Variants in PCSK9 observed in about 807,000 individuals in gnomAD.
PCSK9 encodes proprotein convertase subtilisin/kexin type 9.
In PCSK9, 57 loss-of-function variants were observed where a neutral mutation model predicts 62.1. That is an observed-to-expected ratio of 0.92 (90% confidence interval 0.74 to 1.14). The LOEUF (loss-of-function observed/expected upper bound fraction) is 1.14. Ranked by LOEUF, PCSK9 falls within the 50% of genes most tolerant of loss-of-function variation. The pLI, the probability that PCSK9 is intolerant of heterozygous loss-of-function variation, is 0.00. For synonymous variants in PCSK9, 387 were observed against 409.4 expected (o/e 0.95, Z 0.66); for missense variants, 870 against 959.8 (o/e 0.91, Z 1.24).
chr1:55,062,175 T>G (rs1644765107), intron 11 of PCSK9, among the ~76,000 whole-genome samples: 1 of 152,268 alleles, frequency 6.6e-6, no homozygotes, highest in Admixed American at 6.5e-5. Context: ...TGCCAAGCCC[T>G]GGAATGTGAC....
At chr1:55,058,780 G>A (rs1460064134) in intron 9 of PCSK9, 133 bp downstream of exon 9, 2 of 1,511,864 alleles carry the variant, frequency 1.3e-6, no homozygotes, top group Admixed American at 2.0e-5. Flanking sequence ...CAGCTCTTCT[G>A]TAAGCTTACA....
At chr1:55,043,321 C>A (rs1035096549) in intron 1 of PCSK9, among the ~76,000 whole-genome samples, 2 of 152,194 alleles carry the variant, frequency 1.3e-5, no homozygotes, top group African/African-American at 4.8e-5. Context: ...ACTTTCCCAG[C>A]AGGCCTATGT....
In PCSK9 at chr1:55,052,295, G is replaced by A. The variant is rs1394782989; in HGVS notation, c.541G>A (p.Glu181Lys). The A allele has an allele frequency of 1.2e-6, 2 of 1,614,032 alleles. No homozygotes were observed. Among genetic ancestry groups the A allele is most frequent in the Non-Finnish European group, 1.7e-6 (2 of 1,180,034 alleles). The change falls in exon 4 of 12, where the codon GAG (glutamate) becomes AAG (lysine). Residue 181 changes from glutamate (E) to lysine (K), a missense_variant. Transcript: ENST00000302118. ...TTGGAAAGACGGAGGCAGCCTGGTG[G>A]AGGTGTATCTCCTAGACACCAGCAT... The part of the protein sequence containing the change: ...YQPPDGGSLV[E>K]VYLLDTSIQS...
In PCSK9 at chr1:55,052,678, A is replaced by G. The variant is rs1004968088; in HGVS notation, c.686A>G (p.His229Arg). The change falls in exon 5 of 12, where the codon CAC becomes CGC. Residue 229 changes from histidine to arginine, a missense_variant. By Grantham distance (29) the His-to-Arg change is conservative (BLOSUM62 0). Coordinates refer to ENST00000302118, the MANE Select transcript of PCSK9 (RefSeq NM_174936.4). Reference sequence around the variant, plus strand: ...AGCAAGTGTGACAGTCATGGCACCCACCTGGCAGGGGTGGTCAGCGGCCGG... The same window carrying G: ...AGCAAGTGTGACAGTCATGGCACCCGCCTGGCAGGGGTGGTCAGCGGCCGG... ...QASKCDSHGTHLAGVVSGRDA... is the reference protein window; with the variant it reads ...QASKCDSHGTRLAGVVSGRDA... 4 of 1,613,176 alleles carry G rather than the reference A, an allele frequency of 2.5e-6. No individual in the cohort carries two copies. Among genetic ancestry groups the G allele is most frequent in the Non-Finnish European group, 3.4e-6 (4 of 1,179,872 alleles).
chr1:55,055,768 GCCTGCCCAAGTTATAGAGAGTAA>G (rs1312771136), intron 5 of PCSK9, among the ~76,000 whole-genome samples: 1 of 152,142 alleles, frequency 6.6e-6, no homozygotes, highest in Non-Finnish European at 1.5e-5. Context: ...ATTAAATGAG[GCCTGCCCAAGTTATAGAGAGTAA>G]CCTGCCTTAC....
At chr1:55,049,681 G>C (rs1405258873) in intron 3 of PCSK9, among the ~76,000 whole-genome samples, 1 of 152,198 alleles carries the variant, frequency 6.6e-6, no homozygotes, top group Admixed American at 6.5e-5. Context: ...GTTCCTGTGG[G>C]GGCTTTTACC....
At chr1:55,059,038 A>G (rs1364202722) in intron 9 of PCSK9, among the ~76,000 whole-genome samples, 1 of 152,232 alleles carries the variant, frequency 6.6e-6, no homozygotes, top group African/African-American at 2.4e-5. Flanking sequence ...ATCTCAAACC[A>G]GCAAAAAAGT....
intron 10 of PCSK9, 62 bp from the exon 11 acceptor site, chr1:55,061,313 A>G (rs1644756847): frequency 2.0e-6 from 3 of 1,523,868 alleles, no homozygotes; most frequent in Non-Finnish European, 2.7e-6. Flanking sequence ...TCTGATGGGG[A>G]TGGGCACTGG....
intron 2 of PCSK9, among the ~76,000 whole-genome samples, chr1:55,045,852 G>A (rs1644630394): frequency 1.3e-5 from 2 of 152,100 alleles, no homozygotes; most frequent in African/African-American, 4.8e-5. Flanking sequence ...TGGGACTACA[G>A]GTGTGTGCCA....
chr1:55,045,608 G>A (rs1171594243), intron 2 of PCSK9, among the ~76,000 whole-genome samples: 3 of 152,140 alleles, frequency 2.0e-5, no homozygotes, highest in Non-Finnish European at 4.4e-5. Flanking sequence ...TGGCATGGAG[G>A]AGAGGCTGCC....
At chr1:55,049,624 C>G (rs764106969) in intron 3 of PCSK9, among the ~76,000 whole-genome samples, 1 of 152,202 alleles carries the variant, frequency 6.6e-6, no homozygotes, top group Non-Finnish European at 1.5e-5. Context: ...GTGTCTCATC[C>G]GAGCTGGGCC....
intron 3 of PCSK9, among the ~76,000 whole-genome samples, chr1:55,048,969 G>T (rs1336013576): frequency 1.3e-5 from 2 of 152,196 alleles, no homozygotes; most frequent in Admixed American, 1.3e-4. Context: ...TAGGTGCTGG[G>T]GATACAAATG....
intron 3 of PCSK9, chr1:55,051,696 T>G: frequency 4.9e-6 from 1 of 205,268 alleles, no homozygotes. Context: ...TTCTCTGAGG[T>G]TGTGACTCGT....
intron 10 of PCSK9, among the ~76,000 whole-genome samples, chr1:55,060,552 G>A (rs535856008): frequency 2.6e-4 from 39 of 152,292 alleles, no homozygotes; most frequent in African/African-American, 9.1e-4. Context: ...GAGAGGCTCC[G>A]TCAGGTTCAG....
chr1:55,052,128 G>C, intron 3 of PCSK9, 150 bp from the exon 4 acceptor site: 1 of 1,049,122 alleles, frequency 9.5e-7, no homozygotes, highest in Non-Finnish European at 1.5e-6. Flanking sequence ...ATAGGATGTA[G>C]TGTGTGAGGA....
intron 7 of PCSK9, 148 bp from the exon 8 acceptor site, chr1:55,057,888 C>T: frequency 9.0e-7 from 1 of 1,111,306 alleles, no homozygotes; most frequent in Non-Finnish European, 1.3e-6. Context: ...GTAAGGACTG[C>T]AGGCGGCTTA....
Position 55,046,391 on chromosome 1 carries a change from G to A in PCSK9, c.400-132G>A, listed in dbSNP as rs977125529. On this transcript the variant is annotated intron_variant, in intron 2 of 11. Transcript: ENST00000302118. ...TCCTAGTCTGTCCTCCGGGGCACTA[G>A]CAGGGACAAGGTGGGAGGCTGCTGG... is the stretch of plus-strand genomic sequence containing the variant. The A allele has an allele frequency of 3.6e-6, 5 of 1,385,498 alleles. No individual in the cohort carries two copies. In the African/African-American group the frequency reaches 5.7e-5, roughly 16 times the overall value. 85.8% of individuals were successfully genotyped at this position (1,385,498 alleles called of 1,614,324 possible). A position where few individuals can be genotyped will look rare whatever the true frequency, so the allele number is the denominator to read the frequency against.
chr1:55,051,586 T>C, intron 3 of PCSK9: 1 of 236,338 alleles, frequency 4.2e-6, no homozygotes, highest in Non-Finnish European at 8.4e-6. Flanking sequence ...ACTCCCCCAG[T>C]GAGTCTCTTG....
intron 3 of PCSK9, among the ~76,000 whole-genome samples, chr1:55,049,691 C>T (rs1374753623): frequency 6.6e-6 from 1 of 152,204 alleles, no homozygotes. Context: ...GGGCTTTTAC[C>T]AGGCCCACCT....
Sources: allele counts gnomAD v4.1 joint callset (sites outside exome capture counted in the v4.1 genomes callset), GRCh38; gene constraint gnomAD v4.1.1; transcripts MANE v1.5; gene names NCBI Gene and HGNC (gene_info 2026-07-23, HGNC 2026-07-21).